DEFB119: variants seen among roughly 807,000 people sequenced by gnomAD.
DEFB119 encodes the protein defensin beta 119.
DEFB119 carries 3 observed loss-of-function variants against 2.5 expected under a neutral mutation model. The observed-to-expected ratio is 1.19, with a 90% CI of 0.54 to 3.07. The LOEUF is 3.07. DEFB119 is among the 30% of genes most tolerant of loss of function. DEFB119 has a pLI of 0.03. For synonymous variants in DEFB119, 29 were observed against 33.7 expected (o/e 0.86, Z 0.48); for missense variants, 113 against 101.1 (o/e 1.12, Z -0.50).
intron 1 of DEFB119, among the ~76,000 whole-genome samples, chr20:31,379,961 G>A (rs748452038): frequency 7.9e-5 from 12 of 152,108 alleles, no homozygotes; most frequent in East Asian, 3.9e-4. Flanking sequence ...CACCATGCCC[G>A]GCAAATACTG....
chr20:31,378,050 C>A (rs544241702), intron 1 of DEFB119, among the ~76,000 whole-genome samples: 1 of 152,136 alleles, frequency 6.6e-6, no homozygotes, highest in Non-Finnish European at 1.5e-5. Flanking sequence ...AAGTGGGGAG[C>A]GGGGACTATT....
chr20:31,380,566 G>T (rs1002288766), intron 1 of DEFB119, among the ~76,000 whole-genome samples: 1 of 151,976 alleles, frequency 6.6e-6, no homozygotes, highest in Non-Finnish European at 1.5e-5. Flanking sequence ...ACGCCTGGCG[G>T]TTATGATCCA....
intron 1 of DEFB119, among the ~76,000 whole-genome samples, chr20:31,379,510 T>TG (rs1745009739): frequency 1.3e-5 from 2 of 152,052 alleles, no homozygotes; most frequent in African/African-American, 4.8e-5. Context: ...TCTTTTTTTT[T>TG]TGTGGAAGAA....
chr20:31,389,804 T>A (rs573787731), intron 1 of DEFB119, among the ~76,000 whole-genome samples: 1 of 151,950 alleles, frequency 6.6e-6, no homozygotes, highest in Admixed American at 6.6e-5. Context: ...AAGCCCCAAC[T>A]CCAAGCCAAA....
chr20:31,384,282 A>C (rs948852743), intron 1 of DEFB119, among the ~76,000 whole-genome samples: 3 of 152,224 alleles, frequency 2.0e-5, no homozygotes, highest in African/African-American at 7.2e-5. Flanking sequence ...TAACTAAAAG[A>C]GTATAATTGG....
chr20:31,378,334 A>G (rs1986377596), intron 1 of DEFB119: 1 of 1,614,104 alleles, frequency 6.2e-7, no homozygotes. Flanking sequence ...GAGGAAATAC[A>G]CCTGGACTTC....
intron 1 of DEFB119, chr20:31,388,071 G>A: frequency 1.0e-6 from 1 of 985,366 alleles, no homozygotes. Flanking sequence ...TAACTGTGTT[G>A]GTTAAATGGG....
In DEFB119 at chr20:31,377,364, T is replaced by G. The variant is rs373413869; in HGVS notation, c.137A>C (p.Tyr46Ser). 46 of 1,613,956 alleles carry G rather than the reference T, an allele frequency of 2.9e-5. No individual in the cohort carries two copies. Among genetic ancestry groups the G allele is most frequent in the Non-Finnish European group, 3.7e-5 (44 of 1,180,002 alleles). Reference sequence around the variant, plus strand: ...GGACTGACAATTTCTGCAATAGAGGTAGGGCTGTTCGTTCTTTTTGCAAGA... The same window carrying G: ...GGACTGACAATTTCTGCAATAGAGGGAGGGCTGTTCGTTCTTTTTGCAAGA... ...RASCKKNEQP[Y>S]LYCRNCQSCC... is the part of the protein sequence containing the mutation. The change falls in exon 2 of 2, where the codon TAC becomes TCC. Residue 46 changes from tyrosine to serine, a missense_variant. Tyr to Ser is a moderately radical substitution (Grantham distance 144). Coordinates refer to ENST00000376321, the MANE Select transcript of DEFB119 (RefSeq NM_153289.4).
At chr20:31,387,959 A>G (rs1246843128) in intron 1 of DEFB119, 1 of 709,842 alleles carries the variant, frequency 1.4e-6, no homozygotes, top group Non-Finnish European at 1.7e-6. Context: ...TTCCTGGATG[A>G]TAATGAACTC....
chr20:31,387,905 T>C (rs1165648625), intron 1 of DEFB119, among the ~76,000 whole-genome samples: 2 of 152,118 alleles, frequency 1.3e-5, no homozygotes, highest in Non-Finnish European at 2.9e-5. Context: ...GGCCCCTCTT[T>C]CCAGAGTCTA....
At chr20:31,383,532 TTAAAAA>T (rs1191012844) in intron 1 of DEFB119, among the ~76,000 whole-genome samples, 1 of 18,252 alleles carries the variant, frequency 5.5e-5, no homozygotes, top group East Asian at 3.1e-3. Flanking sequence ...AGACTCTGTC[TTAAAAA>T]AAAAAAAAAA....
At position 31,384,176 on chromosome 20, in the gene DEFB119, G is replaced by C. The variant is rs544261064; in HGVS notation, c.61+6247C>G. Reference sequence around the variant, plus strand: ...AGCTTCTTAAGAGTAAATTACAAGGGTTTAAAAATATAATTCCATAGAATG... The same window carrying C: ...AGCTTCTTAAGAGTAAATTACAAGGCTTTAAAAATATAATTCCATAGAATG... On this transcript the variant is annotated intron_variant, in intron 1 of 1. Transcript: ENST00000376321. Among the ~76,000 whole-genome samples the C allele has an allele frequency of 1.4e-4, 21 of 152,184 alleles. No homozygotes were observed. In the South Asian group the frequency reaches 4.1e-3, roughly 30 times the overall value.
intron 1 of DEFB119, among the ~76,000 whole-genome samples, chr20:31,386,816 T>TC (rs1010678786): frequency 4.3e-5 from 6 of 137,952 alleles, no homozygotes; most frequent in African/African-American, 1.7e-4. Context: ...TTTTCTTTTT[T>TC]TTTTTTTTTT....
rs573748142 is a variant in DEFB119, at chr20:31,390,407, G to T, written c.61+16C>A. ...CATGACCAGGAACCCAGACCCCCGA[G>T]AGAGGTTCACGTTACCTGATATCAC... On this transcript the variant is annotated intron_variant, in intron 1 of 1. Transcript: ENST00000376321. The T allele has an allele frequency of 6.2e-7, 1 of 1,611,098 alleles. No homozygotes were observed. Among genetic ancestry groups the T allele is most frequent in the Non-Finnish European group, 8.5e-7 (1 of 1,178,014 alleles).
At chr20:31,381,079 CTT>C (rs983792934) in intron 1 of DEFB119, among the ~76,000 whole-genome samples, 4 of 152,110 alleles carry the variant, frequency 2.6e-5, no homozygotes, top group South Asian at 2.1e-4. Flanking sequence ...TTATTTAGCT[CTT>C]ATTTCTTTTA....
intron 1 of DEFB119, among the ~76,000 whole-genome samples, chr20:31,380,141 TC>T (rs1413868990): frequency 6.6e-6 from 1 of 152,230 alleles, no homozygotes; most frequent in Non-Finnish European, 1.5e-5. Flanking sequence ...TTGATTCTCT[TC>T]TTTTCTAGGT....
At chr20:31,382,026 G>A (rs1034569001) in intron 1 of DEFB119, among the ~76,000 whole-genome samples, 2 of 152,180 alleles carry the variant, frequency 1.3e-5, no homozygotes, top group African/African-American at 2.4e-5. Context: ...GATCTTCGTG[G>A]TGATGGAACA....
intron 1 of DEFB119, among the ~76,000 whole-genome samples, chr20:31,377,667 T>C (rs898982542): frequency 6.6e-6 from 1 of 152,056 alleles, no homozygotes; most frequent in Non-Finnish European, 1.5e-5. Flanking sequence ...TGTGTGTGTG[T>C]ACACTCTGAA....
At chr20:31,379,823 G>A (rs1379243607) in intron 1 of DEFB119, among the ~76,000 whole-genome samples, 2 of 151,968 alleles carry the variant, frequency 1.3e-5, no homozygotes, top group Admixed American at 6.6e-5. Flanking sequence ...CTGCCACCAC[G>A]CCCAGCTAAT....
Sources: allele counts gnomAD v4.1 joint callset (sites outside exome capture counted in the v4.1 genomes callset), GRCh38; gene constraint gnomAD v4.1.1; transcripts MANE v1.5; gene names NCBI Gene and HGNC (gene_info 2026-07-23, HGNC 2026-07-21).